The following HDAC9 variants were observed in gnomAD, a reference collection of about 807,000 sequenced individuals.
HDAC9 encodes MEF-2 interacting transcription repressor (MITR) protein.
A neutral mutation model predicts 139.4 loss-of-function variants in HDAC9; 41 were observed. The ratio of observed to expected loss-of-function variants is 0.29; its 90% CI spans 0.23 to 0.38. HDAC9 has a LOEUF of 0.38. HDAC9 is among the 10% of genes least tolerant of loss of function. The pLI, the probability that HDAC9 is intolerant of heterozygous loss-of-function variation, is 1.00. For synonymous variants in HDAC9, 517 were observed against 476.2 expected (o/e 1.09, Z -1.12); for missense variants, 1,147 against 1,297.0 (o/e 0.88, Z 1.78).
intron 1 of HDAC9, among the ~76,000 whole-genome samples, chr7:18,348,789 A>G (rs1449342291): frequency 6.6e-6 from 1 of 152,162 alleles, no homozygotes; most frequent in Non-Finnish European, 1.5e-5. Flanking sequence ...TTGCAACACT[A>G]TTAAAATTAC....
At chr7:18,604,925 T>C (rs967557443) in intron 6 of HDAC9, among the ~76,000 whole-genome samples, 16 of 152,236 alleles carry the variant, frequency 1.1e-4, no homozygotes, top group South Asian at 4.1e-4. Flanking sequence ...GCTTTGTCTC[T>C]TCTGATTGTT....
Position 18,961,255 on chromosome 7 carries a change from C to G in HDAC9, c.3022+7025C>G, listed in dbSNP as rs1010375469. The stretch of plus-strand genomic sequence containing the variant: ...AAGAAGCATGATAAAGCCTGCAAAT[C>G]GAAAGATCACTGTGCTTGCTCTGAA... On this transcript the variant is annotated intron_variant, in intron 24 of 25. Coordinates refer to ENST00000686413, the MANE Select transcript of HDAC9 (RefSeq NM_178425.4). 2.0e-5 allele frequency among the ~76,000 whole-genome samples: 3 copies of G among 152,140 alleles called. No individual in the cohort carries two copies. The South Asian group carries it at 6.2e-4, about 31-fold the overall frequency.
At chr7:18,943,920 T>G (rs532974674) in intron 23 of HDAC9, among the ~76,000 whole-genome samples, 1 of 152,282 alleles carries the variant, frequency 6.6e-6, no homozygotes, top group South Asian at 2.1e-4. Flanking sequence ...AGTTTGTCAG[T>G]GTAGTAACTT....
In HDAC9 at chr7:18,591,632, C is replaced by G; in HGVS notation, c.532C>G (p.Leu178Val). Reference protein sequence around the residue: ...KNHSVSRHPKLWYTAAHHTSL... With the variant: ...KNHSVSRHPKVWYTAAHHTSL... ...TCATTCCGTGAGCCGCCATCCCAAG[C>G]TCTGGTACACGTATGTTCAGTGTTT... The change falls in exon 5 of 26, where the codon CTC becomes GTC. Residue 178 changes from leucine (L) to valine (V), a missense_variant. Leu to Val is a conservative substitution (Grantham distance 32). Transcript: ENST00000686413. 6.2e-7 allele frequency: 1 copy of G among 1,613,254 alleles called. No homozygotes were observed. Among genetic ancestry groups the G allele is most frequent in the Non-Finnish European group, 8.5e-7 (1 of 1,179,498 alleles).
intron 1 of HDAC9, chr7:18,395,187 A>T (rs1454685312): frequency 6.6e-6 from 1 of 152,084 alleles, no homozygotes; most frequent in Admixed American, 6.6e-5. Context: ...AGTTGAGGTA[A>T]GTTCAGGCTT....
At chr7:18,298,853 A>G (rs1023130838) in intron 1 of HDAC9, among the ~76,000 whole-genome samples, 14 of 152,194 alleles carry the variant, frequency 9.2e-5, no homozygotes, top group African/African-American at 2.9e-4. Context: ...GGAAAACTGA[A>G]ATTTTATTAA....
chr7:18,959,958 A>T (rs1447928393), intron 24 of HDAC9, among the ~76,000 whole-genome samples: 1 of 151,528 alleles, frequency 6.6e-6, no homozygotes, highest in African/African-American at 2.4e-5. Context: ...AGCAATTTCC[A>T]TGTTTCTTGT....
At chr7:18,865,784 G>A (rs917029975) in intron 21 of HDAC9, among the ~76,000 whole-genome samples, 3 of 152,000 alleles carry the variant, frequency 2.0e-5, no homozygotes, top group African/African-American at 4.8e-5. Context: ...TCTATAATGT[G>A]CATTTTTGTT....
At chr7:18,617,672 A>G (rs1008995862) in intron 6 of HDAC9, among the ~76,000 whole-genome samples, 2 of 152,160 alleles carry the variant, frequency 1.3e-5, no homozygotes, top group Admixed American at 1.3e-4. Context: ...TCTATATTAA[A>G]ATTACATTCT....
intron 2 of HDAC9, among the ~76,000 whole-genome samples, chr7:18,582,899 G>T (rs111258636): frequency 6.6e-6 from 1 of 152,042 alleles, no homozygotes; most frequent in Non-Finnish European, 1.5e-5. Flanking sequence ...TTGGTCATAC[G>T]CTTAGCCTAT....
intron 22 of HDAC9, among the ~76,000 whole-genome samples, chr7:18,929,722 G>A (rs2129303796): frequency 6.6e-6 from 1 of 152,186 alleles, no homozygotes; most frequent in Admixed American, 6.5e-5. Flanking sequence ...TGGATCACGA[G>A]GTCAAGAGAT....
chr7:18,486,619 C>A (rs111299690), intron 1 of HDAC9, among the ~76,000 whole-genome samples: 2,057 of 152,136 alleles, frequency 0.014, 45 homozygotes, highest in African/African-American at 0.046. Context: ...TTTCAGTAAA[C>A]ATAGTTTCAG....
At chr7:18,163,647 G>C (rs1279279379) in intron 2 of HDAC9, among the ~76,000 whole-genome samples, 1 of 152,128 alleles carries the variant, frequency 6.6e-6, no homozygotes, top group East Asian at 1.9e-4. Context: ...CCTTGTTTAA[G>C]TGTGTTCTGT....
At chr7:18,185,755 A>G (rs1234555460) in intron 2 of HDAC9, among the ~76,000 whole-genome samples, 2 of 152,198 alleles carry the variant, frequency 1.3e-5, no homozygotes, top group African/African-American at 2.4e-5. Context: ...TTAATTTCCA[A>G]ATGAATAATT....
Position 18,585,496 on chromosome 7 carries a change from C to G in HDAC9, c.238C>G (p.Gln80Glu), listed in dbSNP as rs1051158359. 6.2e-6 allele frequency: 10 copies of G among 1,613,804 alleles called. No individual in the cohort carries two copies. Among genetic ancestry groups the G allele is most frequent in the Non-Finnish European group, 7.6e-6 (9 of 1,179,796 alleles). The stretch of plus-strand genomic sequence containing the variant: ...GCATGAGAACTTGACACGGCAGCAC[C>G]AGGCTCAGCTTCAGGAGCATATCAA... Reference protein sequence around the residue: ...KQHENLTRQHQAQLQEHIKLQ... With the variant: ...KQHENLTRQHEAQLQEHIKLQ... The change falls in exon 3 of 26, where the codon CAG becomes GAG. Residue 80 changes from glutamine (Q) to glutamate (E), a missense_variant. Gln to Glu is a conservative substitution (Grantham distance 29). This residue lies in a region of HDAC9 where 136 missense variants were observed against 183.5 expected (regional missense o/e 0.74). Coordinates refer to ENST00000686413, the MANE Select transcript of HDAC9 (RefSeq NM_178425.4).
intron 1 of HDAC9, among the ~76,000 whole-genome samples, chr7:18,340,571 A>G (rs892533204): frequency 1.5e-4 from 22 of 151,562 alleles, no homozygotes; most frequent in Non-Finnish European, 3.1e-4. Flanking sequence ...TATAGTATAC[A>G]TCTTTAAATT....
At chr7:18,942,807 A>G (rs1782111173) in intron 23 of HDAC9, among the ~76,000 whole-genome samples, 1 of 151,998 alleles carries the variant, frequency 6.6e-6, no homozygotes, top group Non-Finnish European at 1.5e-5. Context: ...CAAATACTAC[A>G]AATTAGGACT....
At chr7:18,501,148 A>G (rs1462022893) in intron 2 of HDAC9, among the ~76,000 whole-genome samples, 1 of 152,176 alleles carries the variant, frequency 6.6e-6, no homozygotes, top group African/African-American at 2.4e-5. Flanking sequence ...ACAAAAAACT[A>G]AATTCAGAAG....
At chr7:18,496,723 C>T (rs1432140165) in intron 2 of HDAC9, 1 of 162,348 alleles carries the variant, frequency 6.2e-6, no homozygotes, top group Non-Finnish European at 1.3e-5. Flanking sequence ...GCCCCGCTAG[C>T]CTGACGATTT....
Sources: gnomAD v4.1 joint callset for allele counts (sites outside exome capture counted in the v4.1 genomes callset) on GRCh38, gnomAD v4.1.1 for gene constraint, gnomAD v4.1.1 regional missense constraint, MANE v1.5 for transcripts, NCBI Gene and HGNC (gene_info 2026-07-23, HGNC 2026-07-21) for gene names.